Variants in SLC7A13 observed in about 807,000 individuals in gnomAD.
SLC7A13 encodes the protein solute carrier family 7 member 13.
A neutral mutation model predicts 32.0 loss-of-function variants in SLC7A13; 31 were observed. That is an observed-to-expected ratio of 0.97 (90% CI 0.73 to 1.31). The LOEUF (loss-of-function observed/expected upper bound fraction) is 1.31, where lower values mean the gene tolerates loss of function less well. Among genes scored for constraint, SLC7A13 ranks in the 50% most tolerant of loss-of-function variants. SLC7A13 has a pLI of 0.00. For missense variants in SLC7A13, 633 were observed against 546.9 expected (o/e 1.16, Z -1.57); for synonymous variants, 232 against 206.9 (o/e 1.12, Z -1.04).
At chr8:86,217,366 G>T in intron 3 of SLC7A13, 104 bp downstream of exon 3, 1 of 1,057,630 alleles carries the variant, frequency 9.5e-7, no homozygotes, top group Non-Finnish European at 1.3e-6. Context: ...CAGTAACTGA[G>T]TATTCAGAAG....
chr8:86,228,561 G>A lies in SLC7A13; in HGVS notation c.685+1032C>T, dbSNP rs1008897801. On this transcript the variant is annotated intron_variant, in intron 1 of 3. Coordinates refer to ENST00000297524, the MANE Select transcript of SLC7A13 (RefSeq NM_138817.3). ...GATAATTTTTTAAGAAATCTGAGGAGGTGGGCAGGTGCAGTGGCTCACGCT... is the reference window on the plus strand; with the variant it reads ...GATAATTTTTTAAGAAATCTGAGGAAGTGGGCAGGTGCAGTGGCTCACGCT... 5.3e-5 allele frequency among the ~76,000 whole-genome samples: 8 copies of A among 152,114 alleles called. No homozygotes were observed. The East Asian group carries it at 1.6e-3, about 30-fold the overall frequency.
At chr8:86,220,627 T>C (rs1820277733) in intron 2 of SLC7A13, among the ~76,000 whole-genome samples, 1 of 152,140 alleles carries the variant, frequency 6.6e-6, no homozygotes, top group Admixed American at 6.6e-5. Context: ...ATGCTCTATA[T>C]TCATATGGAA....
chr8:86,230,177 G>A lies in SLC7A13; in HGVS notation c.101C>T (p.Ser34Phe), dbSNP rs144691522. The change falls in exon 1 of 4, where the codon TCC (serine) becomes TTC (phenylalanine). Residue 34 changes from serine to phenylalanine, a missense_variant. Physicochemically the swap from Ser to Phe is radical, Grantham distance 155 (BLOSUM62 -2). Transcript: ENST00000297524. ...INIIGAGIFVSPKGVLAYSCM... is the reference protein window; with the variant it reads ...INIIGAGIFVFPKGVLAYSCM... ...AGAGTATGCCAACACACCTTTGGGGGACACAAAAATTCCTGCACCAATGAT... is the reference window on the plus strand; with the variant it reads ...AGAGTATGCCAACACACCTTTGGGGAACACAAAAATTCCTGCACCAATGAT... 3.1e-6 allele frequency: 5 copies of A among 1,613,922 alleles called. No individual in the cohort carries two copies. The highest frequency in any genetic ancestry group is 4.2e-6 in the Non-Finnish European group (5 of 1,180,014).
Position 86,230,143 on chromosome 8 carries a change from G to C in SLC7A13, c.135C>G (p.Asn45Lys), listed in dbSNP as rs77604575. 11,509 of 1,614,050 alleles carry C rather than the reference G, an allele frequency of 7.1e-3. 594 individuals are homozygous for C. In the African/African-American group the frequency reaches 0.12, roughly 17 times the overall value. The stretch of plus-strand genomic sequence containing the variant: ...CCCAAACGCACAGGGAGACTCCCAC[G>C]TTCATGCAAGAGTATGCCAACACAC... The part of the protein sequence containing the change: ...PKGVLAYSCM[N>K]VGVSLCVWAG... Residue 45 changes from asparagine to lysine, a missense_variant, in exon 1 of 4, where the codon AAC becomes AAG. Transcript: ENST00000297524.
In SLC7A13 at chr8:86,230,364, C is replaced by G. The variant is rs1820465238; in HGVS notation, c.-87G>C. 5.8e-6 allele frequency: 7 copies of G among 1,205,058 alleles called. No homozygotes were observed. Among genetic ancestry groups the G allele is most frequent in the Non-Finnish European group, 6.8e-6 (6 of 884,090 alleles). 74.6% of individuals were successfully genotyped at this position (1,205,058 alleles called of 1,614,324 possible). ...AGCTGCAAAGGATGTTGATGGATTC[C>G]TGAAATAAAATAATTCTGTCCTTCC... On this transcript the variant is annotated 5_prime_UTR_variant, in exon 1 of 4. Transcript: ENST00000297524.
Position 86,214,496 on chromosome 8 carries a change from T to C in SLC7A13, c.1330A>G (p.Ile444Val). 1 of 1,612,678 alleles carries C rather than the reference T, an allele frequency of 6.2e-7. No homozygotes were observed. The highest frequency in any genetic ancestry group is 1.3e-5 in the African/African-American group (1 of 75,018). Residue 444 changes from isoleucine to valine, a missense_variant, in exon 4 of 4, where the codon ATA becomes GTA. Coordinates refer to ENST00000297524, the MANE Select transcript of SLC7A13 (RefSeq NM_138817.3). ...LFYIPLIHFK[I>V]RLAWFEKMTC... The stretch of plus-strand genomic sequence containing the variant: ...ATCTTCTCAAACCAAGCCAATCTTA[T>C]TTTAAAATGTATTAAAGGTATGTAA...
In SLC7A13 at chr8:86,228,233, AG is replaced by A. The variant is rs574152387; in HGVS notation, c.685+1359del. On this transcript the variant is annotated intron_variant, in intron 1 of 3. Transcript: ENST00000297524. ...CTGCCCAGTGCTGTCATTGCAGACA[AG>A]GGGTCTGAACTGCTGGAGAATTTCC... Among the ~76,000 whole-genome samples the A allele has an allele frequency of 1.9e-4, 29 of 152,280 alleles. No individual in the cohort carries two copies. The East Asian group carries it at 5.4e-3, about 28-fold the overall frequency.
chr8:86,226,426 T>A (rs1040223953), intron 1 of SLC7A13, among the ~76,000 whole-genome samples: 9 of 152,182 alleles, frequency 5.9e-5, no homozygotes, highest in African/African-American at 2.2e-4. Flanking sequence ...CTTCTTACAT[T>A]ATCAATGATG....
In SLC7A13 at chr8:86,230,115, C is replaced by T; in HGVS notation, c.163G>A (p.Gly55Ser). ...GATGTCATGGCCAGTATGGCACAGC[C>T]AGCCCAAACGCACAGGGAGACTCCC... ...NVGVSLCVWA[G>S]CAILAMTSTL... Residue 55 changes from glycine to serine, a missense_variant, in exon 1 of 4, where the codon GGC becomes AGC. Coordinates refer to ENST00000297524, the MANE Select transcript of SLC7A13 (RefSeq NM_138817.3). 6.2e-7 allele frequency: 1 copy of T among 1,614,156 alleles called. No individual in the cohort carries two copies. The highest frequency in any genetic ancestry group is 1.3e-5 in the African/African-American group (1 of 75,048).
In SLC7A13 at chr8:86,217,696, C is replaced by A. The variant is rs781051819; in HGVS notation, c.953G>T (p.Ser318Ile). 1.2e-6 allele frequency: 2 copies of A among 1,613,418 alleles called. No individual in the cohort carries two copies. The highest frequency in any genetic ancestry group is 2.2e-5 in the South Asian group (2 of 91,044). Residue 318 changes from serine to isoleucine, a missense_variant, in exon 3 of 4, where the codon AGC (serine) becomes ATC (isoleucine). Coordinates refer to ENST00000297524, the MANE Select transcript of SLC7A13 (RefSeq NM_138817.3). Reference protein sequence around the residue: ...FKSSRPIYLASQEGQLPLLFN... With the variant: ...FKSSRPIYLAIQEGQLPLLFN... Reference sequence around the variant, plus strand: ...TAGCAAAGGCAGCTGGCCCTCTTGGCTTGCAAGATATATTGGTCTCGATGA... The same window carrying A: ...TAGCAAAGGCAGCTGGCCCTCTTGGATTGCAAGATATATTGGTCTCGATGA...
intron 1 of SLC7A13, among the ~76,000 whole-genome samples, chr8:86,226,732 A>C (rs1020636455): frequency 2.0e-5 from 3 of 152,118 alleles, no homozygotes; most frequent in African/African-American, 4.8e-5. Context: ...CGTATCTAAT[A>C]CCAAGACTCT....
At chr8:86,220,166 A>G (rs187096008) in intron 2 of SLC7A13, among the ~76,000 whole-genome samples, 182 of 152,170 alleles carry the variant, frequency 1.2e-3, no homozygotes, top group African/African-American at 4.1e-3. Context: ...GCTTCCATAA[A>G]ATGTATTTAC....
At position 86,230,041 on chromosome 8, in the gene SLC7A13, A is replaced by G; in HGVS notation, c.237T>C (p.Ala79=). The part of the protein sequence containing the change: ...EISISFPCSG[A]QYYFLKRYFG... ...AGTATCTCTTGAGAAAATAGTATTGAGCTCCACTGCATGGGAAGCTTATAC... is the reference window on the plus strand; with the variant it reads ...AGTATCTCTTGAGAAAATAGTATTGGGCTCCACTGCATGGGAAGCTTATAC... The change falls in exon 1 of 4, where the codon GCT becomes GCC. Residue 79 remains alanine, a synonymous_variant. Coordinates refer to ENST00000297524, the MANE Select transcript of SLC7A13 (RefSeq NM_138817.3). The G allele has an allele frequency of 6.2e-7, 1 of 1,614,144 alleles. No individual in the cohort carries two copies.
Position 86,229,681 on chromosome 8 carries a change from A to C in SLC7A13, c.597T>G (p.Ala199=). Residue 199 remains alanine (A), a synonymous_variant, in exon 1 of 4, where the codon GCT becomes GCG. Coordinates refer to ENST00000297524, the MANE Select transcript of SLC7A13 (RefSeq NM_138817.3). Reference sequence around the variant, plus strand: ...TAAGGTGAGAGATATCTGGAAGTTCAGCATCAAAAGCATTCTGAAATCGTT... The same window carrying C: ...TAAGGTGAGAGATATCTGGAAGTTCCGCATCAAAAGCATTCTGAAATCGTT... ...NVERFQNAFD[A]ELPDISHLIQ... The C allele has an allele frequency of 6.2e-7, 1 of 1,614,196 alleles. No individual in the cohort carries two copies. Among genetic ancestry groups the C allele is most frequent in the Non-Finnish European group, 8.5e-7 (1 of 1,180,030 alleles).
chr8:86,215,223 G>A (rs1820159424), intron 3 of SLC7A13, among the ~76,000 whole-genome samples: 1 of 152,068 alleles, frequency 6.6e-6, no homozygotes, highest in Admixed American at 6.6e-5. Flanking sequence ...CCTGCTTTGT[G>A]TTAGAATTGT....
chr8:86,228,644 G>A (rs997964466), intron 1 of SLC7A13, among the ~76,000 whole-genome samples: 7 of 152,016 alleles, frequency 4.6e-5, no homozygotes, highest in Admixed American at 3.3e-4. Flanking sequence ...CCAAGTGTTC[G>A]AGACCAACCT....
intron 1 of SLC7A13, among the ~76,000 whole-genome samples, chr8:86,225,569 T>C (rs2129803267): frequency 6.6e-6 from 1 of 152,296 alleles, no homozygotes. Flanking sequence ...ATTTAATTTA[T>C]AATAAAAAGT....
At position 86,217,485 on chromosome 8, in the gene SLC7A13, T is replaced by G; in HGVS notation, c.1164A>C (p.Leu388=). 6.3e-7 allele frequency: 1 copy of G among 1,581,528 alleles called. No homozygotes were observed. The highest frequency in any genetic ancestry group is 8.6e-7 in the Non-Finnish European group (1 of 1,168,112). Reference sequence around the variant, plus strand: ...CCAATTTTACCTTATAAGGTATAGATAGATTGGGTTCCTGGTATCTCCGCC... The same window carrying G: ...CCAATTTTACCTTATAAGGTATAGAGAGATTGGGTTCCTGGTATCTCCGCC... ...ILRRRYQEPN[L]SIPYKVFLSF... Residue 388 remains leucine (L), a synonymous_variant, in exon 3 of 4, where the codon CTA becomes CTC. Coordinates refer to ENST00000297524, the MANE Select transcript of SLC7A13 (RefSeq NM_138817.3).
rs1291381609 is a variant in SLC7A13 at position 86,214,211 on chromosome 8, A to G, written c.*202T>C. ...ACTTAAGTTTTTTACCATGCGAAGC[A>G]GAGCTTTTAGCAATTTCTTAGTGAC... is the stretch of plus-strand genomic sequence containing the variant. On this transcript the variant is annotated 3_prime_UTR_variant, in exon 4 of 4. Coordinates refer to ENST00000297524, the MANE Select transcript of SLC7A13 (RefSeq NM_138817.3). The G allele has an allele frequency of 2.2e-5, 10 of 449,450 alleles. No homozygotes were observed. The highest frequency in any genetic ancestry group is 1.6e-5 in the Non-Finnish European group (4 of 254,488). 27.8% of individuals were successfully genotyped at this position (449,450 alleles called of 1,614,324 possible).
Sources: gnomAD v4.1 joint callset for allele counts (sites outside exome capture counted in the v4.1 genomes callset) on GRCh38, gnomAD v4.1.1 for gene constraint, MANE v1.5 for transcripts, NCBI Gene and HGNC (gene_info 2026-07-23, HGNC 2026-07-21) for gene names.